The following SLC9C2 variants were observed in gnomAD, a reference collection of about 807,000 sequenced individuals.
SLC9C2 encodes sodium/hydrogen exchanger 11.
Under a neutral mutation model 140.2 loss-of-function variants are expected in SLC9C2, and 75 were observed. The observed-to-expected ratio is 0.53, with a 90% CI of 0.44 to 0.65. The LOEUF (loss-of-function observed/expected upper bound fraction) is 0.65, where lower values mean the gene tolerates loss of function less well. Among genes scored for constraint, SLC9C2 ranks in the 30% least tolerant of loss-of-function variants. The pLI is 0.00. For missense variants in SLC9C2, 1,074 were observed against 1,331.8 expected (o/e 0.81, Z 3.01); for synonymous variants, 375 against 420.9 (o/e 0.89, Z 1.34).
intron 27 of SLC9C2, among the ~76,000 whole-genome samples, chr1:173,502,191 T>C (rs1451790892): frequency 7.1e-6 from 1 of 141,714 alleles, no homozygotes; most frequent in Non-Finnish European, 1.5e-5. Flanking sequence ...GAGAATCGCT[T>C]GAATCCAGGA....
At chr1:173,578,856 G>C (rs778173503) in intron 7 of SLC9C2, among the ~76,000 whole-genome samples, 1 of 152,194 alleles carries the variant, frequency 6.6e-6, no homozygotes, top group Non-Finnish European at 1.5e-5. Flanking sequence ...CCACCCTAAT[G>C]ACTGCATCTT....
At chr1:173,551,335 C>T (rs769824268) in intron 11 of SLC9C2, among the ~76,000 whole-genome samples, 1 of 152,292 alleles carries the variant, frequency 6.6e-6, no homozygotes, top group East Asian at 1.9e-4. Context: ...AGAAATTCAT[C>T]CTCATTATAA....
chr1:173,523,738 T>A (rs187175730), intron 21 of SLC9C2, among the ~76,000 whole-genome samples: 6 of 152,346 alleles, frequency 3.9e-5, no homozygotes, highest in African/African-American at 7.2e-5. Flanking sequence ...TTGGTAATAG[T>A]CAGACACATA....
chr1:173,568,742 A>G (rs1250207556), intron 9 of SLC9C2, among the ~76,000 whole-genome samples: 1 of 152,122 alleles, frequency 6.6e-6, no homozygotes, highest in Non-Finnish European at 1.5e-5. Flanking sequence ...CCATGTACCC[A>G]CTATTACCAG....
intron 6 of SLC9C2, 152 bp downstream of exon 6, chr1:173,583,354 G>A (rs1345287690): frequency 7.8e-6 from 4 of 509,968 alleles, no homozygotes; most frequent in Non-Finnish European, 1.4e-5. Flanking sequence ...GATGCAGATG[G>A]TCAACTATGA....
At chr1:173,569,332 T>C (rs564219523) in intron 9 of SLC9C2, among the ~76,000 whole-genome samples, 2 of 151,940 alleles carry the variant, frequency 1.3e-5, no homozygotes, top group Admixed American at 6.6e-5. Flanking sequence ...TTCTGCTTGA[T>C]TGGTGCTTCA....
At chr1:173,602,184 G>C (rs1666826964) in intron 1 of SLC9C2, among the ~76,000 whole-genome samples, 1 of 152,122 alleles carries the variant, frequency 6.6e-6, no homozygotes, top group Non-Finnish European at 1.5e-5. Context: ...TTTCCTTAAG[G>C]CTGTGCACAT....
At chr1:173,536,895 T>C (rs1662001668) in intron 14 of SLC9C2, 47 bp downstream of exon 14, 3 of 1,268,590 alleles carry the variant, frequency 2.4e-6, no homozygotes, top group African/African-American at 3.0e-5. Context: ...CTTCATCATA[T>C]AGTCATTCAA....
At chr1:173,572,094 T>C (rs983272398) in intron 9 of SLC9C2, among the ~76,000 whole-genome samples, 3 of 152,204 alleles carry the variant, frequency 2.0e-5, no homozygotes, top group East Asian at 1.9e-4. Context: ...GATTAAGTAA[T>C]GACCCAAAGT....
chr1:173,545,137 T>G (rs538404720), intron 13 of SLC9C2, among the ~76,000 whole-genome samples: 2 of 152,274 alleles, frequency 1.3e-5, no homozygotes, highest in South Asian at 4.1e-4. Context: ...TCATCTACCT[T>G]CTCAACAAGA....
At chr1:173,561,251 C>T (rs1664083345) in intron 9 of SLC9C2, among the ~76,000 whole-genome samples, 1 of 152,170 alleles carries the variant, frequency 6.6e-6, no homozygotes, top group Admixed American at 6.5e-5. Context: ...CTTCAAACAG[C>T]AAGTCCTATT....
chr1:173,501,667 C>T (rs577525678), intron 27 of SLC9C2, among the ~76,000 whole-genome samples: 6 of 151,956 alleles, frequency 3.9e-5, no homozygotes, highest in South Asian at 4.2e-4. Flanking sequence ...CCCACCACCA[C>T]GCCCAGCTAA....
chr1:173,502,026 C>T (rs12082116), intron 27 of SLC9C2, among the ~76,000 whole-genome samples: 8,378 of 152,102 alleles, frequency 0.055, 767 homozygotes, highest in African/African-American at 0.19. Context: ...GTAATCCCAG[C>T]ACTTTGGGAG....
chr1:173,563,840 C>T (rs1478853980), intron 9 of SLC9C2, among the ~76,000 whole-genome samples: 2 of 152,102 alleles, frequency 1.3e-5, no homozygotes, highest in Non-Finnish European at 2.9e-5. Context: ...TCCACTTTCC[C>T]CCCTTATCCC....
At position 173,533,803 on chromosome 1, in the gene SLC9C2, C is replaced by T. The variant is rs764067526; in HGVS notation, c.1975-6G>A. On this transcript the variant is annotated splice_polypyrimidine_tract_variant and splice_region_variant and intron_variant, in intron 16 of 27. Coordinates refer to ENST00000367714, the MANE Select transcript of SLC9C2 (RefSeq NM_178527.4). ...TTCCTTTTCAAAATTATTATCTGTA[C>T]AGAAAACAAATGTCATTTCATAGCA... 3 of 1,595,674 alleles carry T rather than the reference C, an allele frequency of 1.9e-6. No individual in the cohort carries two copies.
At chr1:173,542,333 C>A (rs1662497312) in intron 13 of SLC9C2, among the ~76,000 whole-genome samples, 1 of 150,294 alleles carries the variant, frequency 6.7e-6, no homozygotes, top group Admixed American at 6.7e-5. Flanking sequence ...GCTGAATAGA[C>A]CAATAACAGG....
At position 173,583,619 on chromosome 1, in the gene SLC9C2, A is replaced by G; in HGVS notation, c.527T>C (p.Ile176Thr). 6.7e-7 allele frequency: 1 copy of G among 1,498,344 alleles called. No homozygotes were observed. Among genetic ancestry groups the G allele is most frequent in the South Asian group, 1.3e-5 (1 of 77,970 alleles). 92.8% of individuals were successfully genotyped at this position (1,498,344 alleles called of 1,614,324 possible). ...AATGAGATCAATGTATATTTTAGAA[A>G]TGCCTGAAAAAGGAAATACAAAATG... ...RSVNSLKTIGISKIYIDLIRG... is the reference protein window; with the variant it reads ...RSVNSLKTIGTSKIYIDLIRG... The change falls in exon 6 of 28, where the codon ATT becomes ACT. Residue 176 changes from isoleucine to threonine, a missense_variant. Coordinates refer to ENST00000367714, the MANE Select transcript of SLC9C2 (RefSeq NM_178527.4).
rs1193592888 is a variant in SLC9C2, at chr1:173,505,275, G to C, written c.3282C>G (p.Thr1094=). ...KLLIIQASEL[T]QRNSNTNVMA... ...TGACATTGGTGTTACTATTTCTTTG[G>C]GTAAGCTCAGATGCTTGGATTATCA... Residue 1094 remains threonine (T), a synonymous_variant, in exon 26 of 28, where the codon ACC becomes ACG. Transcript: ENST00000367714. 1.9e-6 allele frequency: 3 copies of C among 1,613,990 alleles called. No homozygotes were observed. The highest frequency in any genetic ancestry group is 1.7e-6 in the Non-Finnish European group (2 of 1,179,948).
intron 9 of SLC9C2, among the ~76,000 whole-genome samples, chr1:173,566,946 T>C (rs972465552): frequency 1.3e-5 from 2 of 152,114 alleles, no homozygotes; most frequent in African/African-American, 4.8e-5. Flanking sequence ...TGCACTTTCA[T>C]TCAGGAGCAT....
Sources: allele counts gnomAD v4.1 joint callset (sites outside exome capture counted in the v4.1 genomes callset), GRCh38; gene constraint gnomAD v4.1.1; transcripts MANE v1.5; gene names NCBI Gene and HGNC (gene_info 2026-07-23, HGNC 2026-07-21).